CACNA2D3: variants seen among roughly 807,000 people sequenced by gnomAD.
The protein encoded by CACNA2D3 is voltage-dependent calcium channel subunit alpha-2/delta-3.
CACNA2D3 carries 60 observed loss-of-function variants against 160.6 expected under a neutral mutation model. That is an observed-to-expected ratio of 0.37 (90% confidence interval 0.30 to 0.46). The LOEUF (loss-of-function observed/expected upper bound fraction) is 0.46, where lower values mean the gene tolerates loss of function less well. CACNA2D3 is among the 20% of genes least tolerant of loss of function. The pLI is 1.00. For synonymous variants in CACNA2D3, 558 were observed against 492.9 expected (o/e 1.13, Z -1.75); for missense variants, 1,205 against 1,365.0 (o/e 0.88, Z 1.85).
At chr3:54,627,393 G>A (rs1417601687) in intron 9 of CACNA2D3, among the ~76,000 whole-genome samples, 2 of 152,178 alleles carry the variant, frequency 1.3e-5, no homozygotes, top group Non-Finnish European at 2.9e-5. Context: ...TGGCAGGAGA[G>A]CCAGGGAATG....
chr3:54,503,379 G>A (rs1228040100), intron 4 of CACNA2D3, 113 bp from the exon 5 acceptor site: 2 of 842,286 alleles, frequency 2.4e-6, no homozygotes, highest in Admixed American at 2.2e-5. Flanking sequence ...GATTATGTGA[G>A]CAGATCAGGG....
At position 54,871,564 on chromosome 3, in the gene CACNA2D3, A is replaced by T. The variant is rs745916878; in HGVS notation, c.1652A>T (p.Lys551Ile). 9 of 1,613,480 alleles carry T rather than the reference A, an allele frequency of 5.6e-6. No homozygotes were observed. The African/African-American group carries it at 1.1e-4, about 19-fold the overall frequency. The change falls in exon 18 of 38, where the codon AAA (lysine) becomes ATA (isoleucine). Residue 551 changes from lysine to isoleucine, a missense_variant. Around this residue, in one of 3 missense-constraint regions of CACNA2D3, gnomAD observed 911 missense variants for 1,002.2 expected, o/e 0.91. Transcript: ENST00000474759. ...LLYEEGKKRR[K>I]PNYSSVDLSE... is the part of the protein sequence containing the mutation. The stretch of plus-strand genomic sequence containing the variant: ...TACGAAGAAGGAAAAAAGCGAAGGA[A>T]ACCTAACTATAGTAGCGTTGACCTC...
chr3:54,307,523 C>T (rs1393468482), intron 2 of CACNA2D3, among the ~76,000 whole-genome samples: 1 of 152,156 alleles, frequency 6.6e-6, no homozygotes, highest in Non-Finnish European at 1.5e-5. Flanking sequence ...CCCACCTTTT[C>T]ACAGAGGAAG....
intron 9 of CACNA2D3, among the ~76,000 whole-genome samples, chr3:54,620,853 A>G (rs1698970607): frequency 6.6e-6 from 1 of 152,134 alleles, no homozygotes; most frequent in South Asian, 2.1e-4. Context: ...ATGTAATAGT[A>G]CCTTTCTTTT....
rs555530280 is a variant in CACNA2D3 at position 54,756,683 on chromosome 3, G to A, written c.1246+4006G>A. 2.6e-5 allele frequency among the ~76,000 whole-genome samples: 4 copies of A among 152,244 alleles called. No homozygotes were observed. In the East Asian group the frequency reaches 7.8e-4, roughly 30 times the overall value. ...CCTGGGAGGGAGCAAGAATCATGAG[G>A]GCTCTCACGTTGTCCCTGAGTTAGT... is the stretch of plus-strand genomic sequence containing the variant. On this transcript the variant is annotated intron_variant, in intron 12 of 37. Coordinates refer to ENST00000474759, the MANE Select transcript of CACNA2D3 (RefSeq NM_018398.3).
At chr3:54,863,434 T>C (rs1276950589) in intron 17 of CACNA2D3, among the ~76,000 whole-genome samples, 3 of 152,200 alleles carry the variant, frequency 2.0e-5, no homozygotes, top group Non-Finnish European at 4.4e-5. Flanking sequence ...GAGTGTCCTG[T>C]TCTCTGTCCC....
chr3:54,464,531 C>G (rs1321374672), intron 4 of CACNA2D3, among the ~76,000 whole-genome samples: 1 of 152,218 alleles, frequency 6.6e-6, no homozygotes, highest in Admixed American at 6.5e-5. Flanking sequence ...TCTCAGAGTG[C>G]TGTGCTAGCA....
intron 35 of CACNA2D3, among the ~76,000 whole-genome samples, chr3:55,035,420 C>T (rs1299218877): frequency 6.6e-6 from 1 of 152,112 alleles, no homozygotes; most frequent in Non-Finnish European, 1.5e-5. Flanking sequence ...ATAAGTACAA[C>T]TAATCAGGAA....
chr3:54,911,585 A>C (rs1357958137), intron 27 of CACNA2D3, among the ~76,000 whole-genome samples: 2 of 151,886 alleles, frequency 1.3e-5, no homozygotes, highest in Non-Finnish European at 2.9e-5. Context: ...TCTTTCAGTT[A>C]TGTACAGAGT....
At chr3:54,171,136 C>CTTTTT (rs57761171) in intron 2 of CACNA2D3, among the ~76,000 whole-genome samples, 655 of 62,508 alleles carry the variant, frequency 0.01, 89 homozygotes, top group African/African-American at 0.023. Flanking sequence ...AAGATGATGA[C>CTTTTT]TTTTTTTTTT....
At chr3:54,244,532 C>T (rs1454470805) in intron 2 of CACNA2D3, among the ~76,000 whole-genome samples, 1 of 152,126 alleles carries the variant, frequency 6.6e-6, no homozygotes, top group Non-Finnish European at 1.5e-5. Context: ...CCACTGTGGC[C>T]TCTTGATCTG....
chr3:54,797,424 T>TAC (rs982937129), intron 13 of CACNA2D3, among the ~76,000 whole-genome samples: 3 of 152,152 alleles, frequency 2.0e-5, no homozygotes, highest in Admixed American at 6.5e-5. Flanking sequence ...TCACTGTGAT[T>TAC]AACTATCTTT....
At chr3:54,290,461 G>A (rs966302229) in intron 2 of CACNA2D3, among the ~76,000 whole-genome samples, 2 of 152,046 alleles carry the variant, frequency 1.3e-5, no homozygotes, top group East Asian at 1.9e-4. Flanking sequence ...ACTGTGTGTG[G>A]GACTGTAAAC....
intron 2 of CACNA2D3, among the ~76,000 whole-genome samples, chr3:54,223,581 G>T (rs1701613023): frequency 6.6e-6 from 1 of 151,990 alleles, no homozygotes; most frequent in South Asian, 2.1e-4. Flanking sequence ...TTGGCCGGGT[G>T]CGGTAATCCT....
chr3:54,278,534 C>T (rs978339498), intron 2 of CACNA2D3, among the ~76,000 whole-genome samples: 3 of 152,226 alleles, frequency 2.0e-5, no homozygotes, highest in African/African-American at 7.2e-5. Context: ...GATGTGCACA[C>T]GTATGTTTAT....
chr3:54,625,395 A>G (rs191630473), intron 9 of CACNA2D3, among the ~76,000 whole-genome samples: 1 of 152,374 alleles, frequency 6.6e-6, no homozygotes, highest in East Asian at 1.9e-4. Context: ...GGGCCAGGCA[A>G]CTAGGTGGTG....
chr3:54,831,852 T>C (rs1221944794), intron 14 of CACNA2D3, among the ~76,000 whole-genome samples: 2 of 152,094 alleles, frequency 1.3e-5, no homozygotes, highest in African/African-American at 4.8e-5. Context: ...TTCATGCTCA[T>C]TGAAGCTAAA....
At chr3:54,929,110 G>A (rs984904650) in intron 27 of CACNA2D3, among the ~76,000 whole-genome samples, 4 of 152,144 alleles carry the variant, frequency 2.6e-5, no homozygotes, top group African/African-American at 9.7e-5. Flanking sequence ...TTTGGGCTCT[G>A]GAATCAGGTG....
At chr3:54,384,403 C>T (rs1378790673) in intron 3 of CACNA2D3, among the ~76,000 whole-genome samples, 2 of 152,138 alleles carry the variant, frequency 1.3e-5, no homozygotes, top group African/African-American at 4.8e-5. Flanking sequence ...AAATCTGTTA[C>T]AAAGATTAAG....
Sources: gnomAD v4.1 joint callset for allele counts (sites outside exome capture counted in the v4.1 genomes callset) on GRCh38, gnomAD v4.1.1 for gene constraint, gnomAD v4.1.1 regional missense constraint, MANE v1.5 for transcripts, NCBI Gene and HGNC (gene_info 2026-07-23, HGNC 2026-07-21) for gene names.